The following UBR3 variants were observed in gnomAD, a reference collection of about 807,000 sequenced individuals.
UBR3 encodes the protein E3 ubiquitin-protein ligase UBR3.
UBR3 carries 85 observed loss-of-function variants against 243.2 expected under a neutral mutation model. That is an observed-to-expected ratio of 0.35 (90% CI 0.29 to 0.42). The LOEUF (loss-of-function observed/expected upper bound fraction) is 0.42, where lower values mean the gene tolerates loss of function less well. Ranked by LOEUF, UBR3 falls within the 10% of genes least tolerant of loss-of-function variation. UBR3 has a pLI of 1.00. For missense variants in UBR3, 1,686 were observed against 2,300.8 expected (o/e 0.73, Z 5.47); for synonymous variants, 748 against 799.8 (o/e 0.94, Z 1.09).
chr2:169,905,096 G>T lies in UBR3; in HGVS notation c.1466-18G>T, dbSNP rs770173900. 2.1e-6 allele frequency: 3 copies of T among 1,447,310 alleles called. No individual in the cohort carries two copies. The South Asian group carries it at 4.8e-5, about 23-fold the overall frequency. The allele number at this position is 1,447,310 out of a possible 1,614,324, so 89.7% of individuals were successfully genotyped here. A position where few individuals can be genotyped will look rare whatever the true frequency, so the allele number is the denominator to read the frequency against. On this transcript the variant is annotated intron_variant, in intron 8 of 38. Transcript: ENST00000272793. ...AAAAATCTTATGAAATTTTTGGGTTGTGTGTGTCTTTTTTTAGATGAAGAA... is the reference window on the plus strand; with the variant it reads ...AAAAATCTTATGAAATTTTTGGGTTTTGTGTGTCTTTTTTTAGATGAAGAA...
intron 24 of UBR3, among the ~76,000 whole-genome samples, chr2:169,958,728 A>ATAAC (rs1449027010): frequency 6.6e-6 from 1 of 152,192 alleles, no homozygotes; most frequent in East Asian, 1.9e-4. Flanking sequence ...TGTAATTGTT[A>ATAAC]GGAAGTTCTT....
chr2:169,978,457 G>A (rs147226842), intron 24 of UBR3, among the ~76,000 whole-genome samples: 30 of 152,064 alleles, frequency 2.0e-4, no homozygotes, highest in Non-Finnish European at 4.1e-4. Context: ...TGTTTACCCC[G>A]GGGGAACAGG....
intron 19 of UBR3, among the ~76,000 whole-genome samples, chr2:169,936,755 A>G (rs940971170): frequency 1.3e-5 from 2 of 151,676 alleles, no homozygotes; most frequent in African/African-American, 4.8e-5. Context: ...CCCACCTATG[A>G]GTGAGAACAT....
intron 35 of UBR3, among the ~76,000 whole-genome samples, chr2:170,065,665 A>G (rs1355892584): frequency 6.6e-6 from 1 of 152,092 alleles, no homozygotes; most frequent in African/African-American, 2.4e-5. Flanking sequence ...TGTGATTTCT[A>G]TTTAAATGAT....
chr2:170,008,803 G>T lies in UBR3; in HGVS notation c.4231-1G>T. 7.8e-7 allele frequency: 1 copy of T among 1,275,234 alleles called. No individual in the cohort carries two copies. Among genetic ancestry groups the T allele is most frequent in the Admixed American group, 2.2e-5 (1 of 44,618 alleles). The allele number at this position is 1,275,234 out of a possible 1,614,324, so 79.0% of individuals were successfully genotyped here. A position where few individuals can be genotyped will look rare whatever the true frequency, so the allele number is the denominator to read the frequency against. ...ATATGTATGTTTGCATTTTTTTATA[G>T]TCAGAAACAAATTTAAGTAAAGAAA... On this transcript the variant is annotated splice_acceptor_variant, in intron 28 of 38. Transcript: ENST00000272793. LOFTEE classifies it high-confidence loss of function.
intron 1 of UBR3, among the ~76,000 whole-genome samples, chr2:169,842,129 G>A (rs1020959155): frequency 1.3e-5 from 2 of 152,194 alleles, no homozygotes; most frequent in African/African-American, 4.8e-5. Context: ...CTCTGGTGAG[G>A]ACGTGGAGAA....
intron 1 of UBR3, among the ~76,000 whole-genome samples, chr2:169,834,892 T>C (rs1220218857): frequency 1.3e-5 from 2 of 152,226 alleles, no homozygotes; most frequent in African/African-American, 2.4e-5. Flanking sequence ...GAAGACCTTA[T>C]GCCAAATGAA....
Position 169,832,786 on chromosome 2 carries a change from A to T in UBR3, c.545+4734A>T, listed in dbSNP as rs368365988. Among the ~76,000 whole-genome samples, 32 of 151,830 alleles carry T rather than the reference A, an allele frequency of 2.1e-4. No homozygotes were observed. In the South Asian group the frequency reaches 6.7e-3, roughly 32 times the overall value. On this transcript the variant is annotated intron_variant, in intron 1 of 38. Coordinates refer to ENST00000272793, the MANE Select transcript of UBR3 (RefSeq NM_172070.4). ...CCATCTCTACTAAAAATACAAAATTATCTGGGCATGATGGTGCATGCCTGT... is the reference window on the plus strand; with the variant it reads ...CCATCTCTACTAAAAATACAAAATTTTCTGGGCATGATGGTGCATGCCTGT...
Position 169,949,992 on chromosome 2 carries a change from A to G in UBR3, c.3472A>G (p.Arg1158Gly). 1.2e-6 allele frequency: 2 copies of G among 1,613,500 alleles called. No homozygotes were observed. Among genetic ancestry groups the G allele is most frequent in the Non-Finnish European group, 1.7e-6 (2 of 1,179,654 alleles). ...CAAACGCATCATTGAAGAGATATGTAGAAAAGTGACCCCTCCTGTACCACC... is the reference window on the plus strand; with the variant it reads ...CAAACGCATCATTGAAGAGATATGTGGAAAAGTGACCCCTCCTGTACCACC... ...MNKRIIEEIC[R>G]KVTPPVPPKK... is the part of the protein sequence containing the mutation. The change falls in exon 23 of 39, where the codon AGA (arginine) becomes GGA (glycine). Residue 1158 changes from arginine (R) to glycine (G), a missense_variant. Coordinates refer to ENST00000272793, the MANE Select transcript of UBR3 (RefSeq NM_172070.4).
intron 30 of UBR3, among the ~76,000 whole-genome samples, chr2:170,019,531 T>A (rs1225931844): frequency 6.6e-6 from 1 of 151,460 alleles, no homozygotes; most frequent in Admixed American, 6.6e-5. Context: ...AAAAGAAAAA[T>A]AAAATTAGCT....
intron 24 of UBR3, among the ~76,000 whole-genome samples, chr2:169,966,366 A>G (rs879316146): frequency 6.6e-6 from 1 of 152,178 alleles, no homozygotes; most frequent in Non-Finnish European, 1.5e-5. Flanking sequence ...GTTATTAAAC[A>G]TATTACATTT....
intron 1 of UBR3, among the ~76,000 whole-genome samples, chr2:169,866,653 G>A (rs751638684): frequency 6.6e-6 from 1 of 152,094 alleles, no homozygotes; most frequent in Admixed American, 6.6e-5. Flanking sequence ...GTGAGCAACC[G>A]TGCCCGGACT....
At position 169,969,539 on chromosome 2, in the gene UBR3, C is replaced by T. The variant is rs575008634; in HGVS notation, c.3634+11013C>T. ...TATTTCTGTGTTCTCTATTCTGTTCCATTTGTGTCTTTTTTTTTTTTTTTT... is the reference window on the plus strand; with the variant it reads ...TATTTCTGTGTTCTCTATTCTGTTCTATTTGTGTCTTTTTTTTTTTTTTTT... On this transcript the variant is annotated intron_variant, in intron 24 of 38. Transcript: ENST00000272793. Among the ~76,000 whole-genome samples the T allele has an allele frequency of 2.1e-5, 3 of 145,076 alleles. No homozygotes were observed. In the South Asian group the frequency reaches 6.6e-4, roughly 32 times the overall value.
chr2:169,990,743 A>G (rs13014790), intron 25 of UBR3, among the ~76,000 whole-genome samples: 127,053 of 148,534 alleles, frequency 0.86, 56,172 homozygotes, highest in East Asian at 0.99. Context: ...ACACACACAC[A>G]CACACATAAA....
At chr2:169,837,426 C>T (rs2082145068) in intron 1 of UBR3, among the ~76,000 whole-genome samples, 2 of 152,128 alleles carry the variant, frequency 1.3e-5, no homozygotes, top group South Asian at 2.1e-4. Flanking sequence ...CGGTGAGCCG[C>T]GATCACGCCA....
chr2:170,069,024 A>G (rs2091640524), intron 35 of UBR3, among the ~76,000 whole-genome samples: 2 of 152,214 alleles, frequency 1.3e-5, no homozygotes, highest in Admixed American at 6.5e-5. Context: ...ACCAACAAAG[A>G]TAACATTGTG....
At chr2:169,942,108 C>T (rs2086614666) in intron 19 of UBR3, among the ~76,000 whole-genome samples, 1 of 152,160 alleles carries the variant, frequency 6.6e-6, no homozygotes, top group African/African-American at 2.4e-5. Context: ...CAAAAGATTA[C>T]ATTTATATTT....
At chr2:170,052,039 T>A (rs1041649938) in intron 32 of UBR3, among the ~76,000 whole-genome samples, 1 of 152,172 alleles carries the variant, frequency 6.6e-6, no homozygotes, top group African/African-American at 2.4e-5. Flanking sequence ...AGTTCCAGAC[T>A]TGAATTTTTA....
intron 25 of UBR3, among the ~76,000 whole-genome samples, chr2:169,992,264 T>C (rs151147951): frequency 0.012 from 1,779 of 152,242 alleles, 49 homozygotes; most frequent in African/African-American, 0.04. Context: ...TTCAGTAATT[T>C]TTAAAAATCT....
Sources: allele counts gnomAD v4.1 joint callset (sites outside exome capture counted in the v4.1 genomes callset), GRCh38; gene constraint gnomAD v4.1.1; transcripts MANE v1.5; gene names NCBI Gene and HGNC (gene_info 2026-07-23, HGNC 2026-07-21).